Variants in COL15A1 observed in about 807,000 individuals in gnomAD.
COL15A1 encodes collagen alpha-1(XV) chain.
In COL15A1, 111 loss-of-function variants were observed where a neutral mutation model predicts 165.9. The observed-to-expected ratio is 0.67, with a 90% CI of 0.57 to 0.78. The LOEUF (loss-of-function observed/expected upper bound fraction) is 0.78. Among genes scored for constraint, COL15A1 ranks in the 30% least tolerant of loss-of-function variants. COL15A1 has a pLI of 0.00. For synonymous variants in COL15A1, 659 were observed against 674.8 expected (o/e 0.98, Z 0.36); for missense variants, 1,745 against 1,789.7 (o/e 0.98, Z 0.45).
intron 28 of COL15A1, 40 bp from the exon 29 acceptor site, chr9:99,049,650 C>A: frequency 6.2e-7 from 1 of 1,610,922 alleles, no homozygotes; most frequent in Non-Finnish European, 8.5e-7. Flanking sequence ...GCATTCACAA[C>A]AACCTGAACT....
At chr9:98,949,848 T>C (rs10114037) in intron 2 of COL15A1, among the ~76,000 whole-genome samples, 57,521 of 152,034 alleles carry the variant, frequency 0.38, 11,050 homozygotes, top group Admixed American at 0.46. Flanking sequence ...CCCCATTCCC[T>C]CATTTTCTCA....
At chr9:99,034,691 A>G in intron 17 of COL15A1, 107 bp downstream of exon 17, 1 of 1,455,820 alleles carries the variant, frequency 6.9e-7, no homozygotes, top group Non-Finnish European at 9.1e-7. Context: ...GAACATATAA[A>G]TGTCATGGAA....
chr9:99,042,896 C>T (rs896599585), intron 24 of COL15A1, among the ~76,000 whole-genome samples: 11 of 152,146 alleles, frequency 7.2e-5, no homozygotes, highest in South Asian at 2.1e-4. Context: ...TATATTCACT[C>T]GTCCATGTAT....
chr9:99,002,082 C>G (rs1207336819), intron 7 of COL15A1, among the ~76,000 whole-genome samples: 1 of 150,974 alleles, frequency 6.6e-6, no homozygotes, highest in Non-Finnish European at 1.5e-5. Flanking sequence ...TCCCCCTCCC[C>G]TCCTCTCCCC....
In COL15A1 at chr9:99,022,166, A is replaced by G. The variant is rs754422796; in HGVS notation, c.1761+16A>G. Reference sequence around the variant, plus strand: ...TGGACCCACGGTGAGATTCCCATCCAGGCTTGTCACACACACAGGTGTAAG... The same window carrying G: ...TGGACCCACGGTGAGATTCCCATCCGGGCTTGTCACACACACAGGTGTAAG... On this transcript the variant is annotated intron_variant, in intron 13 of 41. Transcript: ENST00000375001. The G allele has an allele frequency of 6.2e-7, 1 of 1,614,126 alleles. No individual in the cohort carries two copies. Among genetic ancestry groups the G allele is most frequent in the East Asian group, 2.2e-5 (1 of 44,874 alleles).
At chr9:98,996,287 G>T (rs994140275) in intron 5 of COL15A1, among the ~76,000 whole-genome samples, 22 of 152,184 alleles carry the variant, frequency 1.4e-4, no homozygotes, top group African/African-American at 5.3e-4. Context: ...GCTGACAAGC[G>T]CTGGGTCCCG....
At chr9:99,006,574 T>C (rs1390930047) in intron 9 of COL15A1, among the ~76,000 whole-genome samples, 1 of 152,236 alleles carries the variant, frequency 6.6e-6, no homozygotes, top group African/African-American at 2.4e-5. Flanking sequence ...CACAGGCCAC[T>C]GGGCAGTTAT....
intron 24 of COL15A1, among the ~76,000 whole-genome samples, chr9:99,042,575 T>C (rs1257086166): frequency 2.6e-5 from 4 of 152,228 alleles, no homozygotes; most frequent in Non-Finnish European, 5.9e-5. Flanking sequence ...TTCTTTTCCA[T>C]AGCTCCAATA....
intron 21 of COL15A1, among the ~76,000 whole-genome samples, chr9:99,037,190 C>T (rs372695372): frequency 6.6e-6 from 1 of 152,230 alleles, no homozygotes; most frequent in African/African-American, 2.4e-5. Flanking sequence ...ATCCTTCAAA[C>T]CCCCATCATG....
chr9:99,035,525 C>A, intron 19 of COL15A1, 107 bp downstream of exon 19: 1 of 1,371,170 alleles, frequency 7.3e-7, no homozygotes, highest in Non-Finnish European at 1.0e-6. Flanking sequence ...AACTCACCTT[C>A]TCTGTGCCTC....
chr9:99,012,075 G>A (rs748038755), intron 9 of COL15A1, among the ~76,000 whole-genome samples: 2 of 152,166 alleles, frequency 1.3e-5, no homozygotes, highest in Non-Finnish European at 2.9e-5. Flanking sequence ...GTATTTGGCA[G>A]GGATAAGTAT....
chr9:99,039,073 G>A (rs1423823622), intron 22 of COL15A1, among the ~76,000 whole-genome samples: 1 of 152,114 alleles, frequency 6.6e-6, no homozygotes, highest in Non-Finnish European at 1.5e-5. Flanking sequence ...GGAAGAGCCT[G>A]GAGACACCTT....
At chr9:98,973,154 CCCCAGCT>C (rs1185904090) in intron 2 of COL15A1, among the ~76,000 whole-genome samples, 1 of 152,168 alleles carries the variant, frequency 6.6e-6, no homozygotes, top group Non-Finnish European at 1.5e-5. Context: ...TCAGCCAGGA[CCCCAGCT>C]CCAGGCTTCC....
At chr9:98,957,713 C>G (rs1029483022) in intron 2 of COL15A1, among the ~76,000 whole-genome samples, 1 of 152,158 alleles carries the variant, frequency 6.6e-6, no homozygotes, top group African/African-American at 2.4e-5. Context: ...GGTTCTCACT[C>G]TGTTGCCCAG....
At chr9:99,010,915 G>A (rs1465891322) in intron 9 of COL15A1, among the ~76,000 whole-genome samples, 1 of 152,224 alleles carries the variant, frequency 6.6e-6, no homozygotes, top group East Asian at 1.9e-4. Context: ...CTTCTGCAGT[G>A]CGACTGCTGT....
chr9:98,960,535 C>T (rs1837849327), intron 2 of COL15A1, among the ~76,000 whole-genome samples: 1 of 152,188 alleles, frequency 6.6e-6, no homozygotes, highest in African/African-American at 2.4e-5. Flanking sequence ...ACCAGGCCCC[C>T]AGGTGATGTG....
intron 2 of COL15A1, among the ~76,000 whole-genome samples, chr9:98,982,095 C>CTAT (rs1838243293): frequency 1.3e-5 from 2 of 152,002 alleles, no homozygotes; most frequent in Non-Finnish European, 2.9e-5. Context: ...GCCACCATAC[C>CTAT]AGGCCCTATT....
chr9:99,037,376 C>T (rs1034925907), intron 21 of COL15A1, among the ~76,000 whole-genome samples: 2 of 152,142 alleles, frequency 1.3e-5, no homozygotes, highest in African/African-American at 2.4e-5. Flanking sequence ...GGCATAAGCA[C>T]TCATGGGCAT....
chr9:99,069,981 G>GTTT lies in COL15A1; in HGVS notation c.*105_*107dup, dbSNP rs56314221. The GTTT allele has an allele frequency of 5.5e-3, 4,316 of 778,820 alleles. 1 individual carries two copies. The highest frequency in any genetic ancestry group is 0.012 in the South Asian group (606 of 48,498). The allele number at this position is 778,820 out of a possible 1,614,324, so 48.2% of individuals were successfully genotyped here. A position where few individuals can be genotyped will look rare whatever the true frequency, so the allele number is the denominator to read the frequency against. Reference sequence around the variant, plus strand: ...ATGTTTAATTGTTGTAAATATTACAGTTTTTTTTTTTTACTACATATTCTT... The same window carrying GTTT: ...ATGTTTAATTGTTGTAAATATTACAGTTTTTTTTTTTTTTTACTACATATTCTT... On this transcript the variant is annotated 3_prime_UTR_variant, in exon 42 of 42. Transcript: ENST00000375001.
Sources: gnomAD v4.1 joint callset for allele counts (sites outside exome capture counted in the v4.1 genomes callset) on GRCh38, gnomAD v4.1.1 for gene constraint, MANE v1.5 for transcripts, NCBI Gene and HGNC (gene_info 2026-07-23, HGNC 2026-07-21) for gene names.